Variants in HDHD2 observed in about 807,000 individuals in gnomAD.
HDHD2 encodes haloacid dehalogenase-like hydrolase domain-containing protein 2.
A neutral mutation model predicts 24.8 loss-of-function variants in HDHD2; 26 were observed. The observed-to-expected ratio is 1.05, with a 90% confidence interval of 0.77 to 1.45. The LOEUF (loss-of-function observed/expected upper bound fraction) is 1.45. HDHD2 is among the 40% of genes most tolerant of loss of function. HDHD2 has a pLI of 0.00. For missense variants in HDHD2, 299 were observed against 313.4 expected, an observed-to-expected ratio of 0.95 and a Z score of 0.35; for synonymous variants, 128 against 114.9, an observed-to-expected ratio of 1.11 and a Z score of -0.73.
chr18:47,122,618 A>G (rs1362685468), intron 4 of HDHD2, among the ~76,000 whole-genome samples: 1 of 152,228 alleles, frequency 6.6e-6, no homozygotes, highest in Non-Finnish European at 1.5e-5. Flanking sequence ...CAAAAGTTCA[A>G]ACTAAAACTA....
rs538830701 is a variant in HDHD2, at chr18:47,136,650, T to A, written c.-10-201A>T. 1.0e-2 allele frequency among the ~76,000 whole-genome samples: 1,478 copies of A among 148,078 alleles called. 7 individuals are homozygous for A. Among genetic ancestry groups the A allele is most frequent in the Non-Finnish European group, 0.015 (978 of 66,892 alleles). ...CCTTTTACAATACTTAGGTTTTTTT[T>A]TAAAAAAAAAAAACACTTGAATTAA... On this transcript the variant is annotated intron_variant, in intron 1 of 6. Coordinates refer to ENST00000300605, the MANE Select transcript of HDHD2 (RefSeq NM_032124.5).
At chr18:47,120,025 A>G (rs868367810) in intron 4 of HDHD2, among the ~76,000 whole-genome samples, 3 of 152,208 alleles carry the variant, frequency 2.0e-5, no homozygotes, top group Admixed American at 1.3e-4. Flanking sequence ...AACATTCAAT[A>G]AACCATGCTG....
At chr18:47,148,309 G>A (rs1041979443) in intron 1 of HDHD2, among the ~76,000 whole-genome samples, 2 of 152,068 alleles carry the variant, frequency 1.3e-5, no homozygotes, top group African/African-American at 2.4e-5. Flanking sequence ...TATAATACTC[G>A]TTACCTGAAC....
intron 6 of HDHD2, chr18:47,111,803 A>G (rs968782438): frequency 2.0e-6 from 2 of 985,270 alleles, no homozygotes; most frequent in African/African-American, 3.5e-5. Flanking sequence ...GAAATTCAAA[A>G]CAGATTTCAA....
intron 6 of HDHD2, chr18:47,110,506 A>G (rs2063506973): frequency 8.1e-6 from 8 of 985,020 alleles, no homozygotes; most frequent in Non-Finnish European, 9.6e-6. Flanking sequence ...CCAGTGGTCT[A>G]AGAGACAAAT....
intron 3 of HDHD2, among the ~76,000 whole-genome samples, chr18:47,133,868 G>A (rs2063737436): frequency 1.3e-5 from 2 of 152,100 alleles, no homozygotes; most frequent in Admixed American, 6.5e-5. Flanking sequence ...TGTAGATTCT[G>A]GATATTAGCC....
At chr18:47,136,651 T>TA (rs145855456) in intron 1 of HDHD2, among the ~76,000 whole-genome samples, 5,909 of 148,982 alleles carry the variant, frequency 0.04, 137 homozygotes, top group African/African-American at 0.068. Context: ...GGTTTTTTTT[T>TA]AAAAAAAAAA....
chr18:47,110,806 A>G (rs1193036697), intron 6 of HDHD2: 8 of 984,392 alleles, frequency 8.1e-6, no homozygotes, highest in Non-Finnish European at 9.6e-6. Context: ...GAAAGATCCT[A>G]TTTTTTTTCT....
At chr18:47,123,736 CTAAA>C (rs2063629505) in intron 4 of HDHD2, among the ~76,000 whole-genome samples, 1 of 151,612 alleles carries the variant, frequency 6.6e-6, no homozygotes, top group Admixed American at 6.6e-5. Context: ...CAAAAAAAAA[CTAAA>C]TAGAGATACA....
intron 6 of HDHD2, chr18:47,111,653 C>G: frequency 1.0e-6 from 1 of 985,374 alleles, no homozygotes. Flanking sequence ...TCTAGAGTGA[C>G]TGGTGTTACT....
At chr18:47,129,133 T>C (rs761234163) in intron 4 of HDHD2, among the ~76,000 whole-genome samples, 20 of 152,178 alleles carry the variant, frequency 1.3e-4, no homozygotes, top group Non-Finnish European at 2.5e-4. Context: ...TAAATTATAC[T>C]GTTTAATGGT....
At position 47,134,488 on chromosome 18, in the gene HDHD2, TC is replaced by T; in HGVS notation, c.310+7del. On this transcript the variant is annotated splice_region_variant and intron_variant, in intron 3 of 6. Transcript: ENST00000300605. Reference sequence around the variant, plus strand: ...ATCCAATCTTTAAATTTTCCAAATTTCCCCTACCTTTGAAATCAGGTAGTGC... The same window carrying T: ...ATCCAATCTTTAAATTTTCCAAATTTCCCTACCTTTGAAATCAGGTAGTGC... 2 of 1,606,724 alleles carry T rather than the reference TC, an allele frequency of 1.2e-6. No homozygotes were observed. The highest frequency in any genetic ancestry group is 1.7e-6 in the Non-Finnish European group (2 of 1,174,052).
chr18:47,132,761 A>G (rs1482976686), intron 3 of HDHD2, among the ~76,000 whole-genome samples: 1 of 152,238 alleles, frequency 6.6e-6, no homozygotes, highest in Non-Finnish European at 1.5e-5. Flanking sequence ...CAATGTGGCA[A>G]AGCTTCATAA....
chr18:47,118,294 T>C (rs929349340), intron 4 of HDHD2, among the ~76,000 whole-genome samples: 5 of 152,192 alleles, frequency 3.3e-5, no homozygotes, highest in African/African-American at 1.2e-4. Context: ...TAAAGATACA[T>C]GCATGCATAT....
At chr18:47,136,265 T>C in intron 2 of HDHD2, 74 bp downstream of exon 2, 2 of 1,582,606 alleles carry the variant, frequency 1.3e-6, no homozygotes, top group Non-Finnish European at 1.7e-6. Flanking sequence ...AGGCCATCCA[T>C]TTAGCTAATG....
chr18:47,122,812 T>G (rs1282657167), intron 4 of HDHD2, among the ~76,000 whole-genome samples: 1 of 151,714 alleles, frequency 6.6e-6, no homozygotes, highest in African/African-American at 2.4e-5. Flanking sequence ...ACATCCAAAG[T>G]GAAAGATGAA....
intron 4 of HDHD2, among the ~76,000 whole-genome samples, chr18:47,129,775 A>G (rs2063694905): frequency 6.6e-6 from 1 of 152,184 alleles, no homozygotes; most frequent in Non-Finnish European, 1.5e-5. Context: ...GAGTAATAAT[A>G]AAAGATAAAA....
At chr18:47,139,578 G>C (rs999083587) in intron 1 of HDHD2, among the ~76,000 whole-genome samples, 2 of 151,940 alleles carry the variant, frequency 1.3e-5, no homozygotes, top group African/African-American at 4.8e-5. Context: ...CCCAAAGTGG[G>C]ACATGTGAAA....
chr18:47,125,103 A>G (rs1254115628), intron 4 of HDHD2, among the ~76,000 whole-genome samples: 1 of 152,170 alleles, frequency 6.6e-6, no homozygotes, highest in Non-Finnish European at 1.5e-5. Flanking sequence ...TTGAGGCTAC[A>G]GTGAGCTATG....
Sources: gnomAD v4.1 joint callset for allele counts (sites outside exome capture counted in the v4.1 genomes callset) on GRCh38, gnomAD v4.1.1 for gene constraint, MANE v1.5 for transcripts, NCBI Gene and HGNC (gene_info 2026-07-23, HGNC 2026-07-21) for gene names.